NOL4: variants seen among roughly 807,000 people sequenced by gnomAD.
The protein encoded by NOL4 is nucleolar protein 4.
In NOL4, 17 loss-of-function variants were observed where a neutral mutation model predicts 75.9. The observed-to-expected ratio is 0.22, with a 90% CI of 0.15 to 0.34. NOL4 has a LOEUF of 0.34. Among genes scored for constraint, NOL4 ranks in the 10% least tolerant of loss-of-function variants. NOL4 has a pLI of 1.00. For synonymous variants in NOL4, 292 were observed against 289.9 expected (o/e 1.01, Z -0.07); for missense variants, 614 against 793.5 (o/e 0.77, Z 2.72).
intron 6 of NOL4, among the ~76,000 whole-genome samples, chr18:34,017,345 T>C (rs1432442171): frequency 6.6e-6 from 1 of 152,128 alleles, no homozygotes; most frequent in African/African-American, 2.4e-5. Context: ...GCTGCAAGTA[T>C]GCCAAGTATT....
chr18:33,940,898 G>C (rs1159620052), intron 9 of NOL4, among the ~76,000 whole-genome samples: 2 of 151,836 alleles, frequency 1.3e-5, no homozygotes, highest in Admixed American at 1.3e-4. Flanking sequence ...CCTGGTGCAG[G>C]AGTAAGAAGT....
chr18:34,171,200 T>C (rs1236017205), intron 1 of NOL4, among the ~76,000 whole-genome samples: 1 of 152,134 alleles, frequency 6.6e-6, no homozygotes, highest in African/African-American at 2.4e-5. Context: ...CAACACATTT[T>C]CTTGGTTTAT....
intron 6 of NOL4, among the ~76,000 whole-genome samples, chr18:34,013,539 T>A (rs1446111859): frequency 2.0e-5 from 3 of 151,970 alleles, no homozygotes; most frequent in Admixed American, 6.6e-5. Flanking sequence ...CACTCTAGTC[T>A]CCAGACTTAA....
chr18:34,191,849 G>T (rs1290274005), intron 1 of NOL4, among the ~76,000 whole-genome samples: 2 of 152,070 alleles, frequency 1.3e-5, no homozygotes, highest in Non-Finnish European at 2.9e-5. Context: ...GGTGATATTA[G>T]CTACAAGTCT....
intron 1 of NOL4, among the ~76,000 whole-genome samples, chr18:34,132,554 T>C (rs530663135): frequency 6.6e-6 from 1 of 152,192 alleles, no homozygotes; most frequent in South Asian, 2.1e-4. Flanking sequence ...TCAACTATGA[T>C]TTAAGCACAA....
At chr18:33,968,475 A>G (rs1005804146) in intron 6 of NOL4, among the ~76,000 whole-genome samples, 1 of 152,236 alleles carries the variant, frequency 6.6e-6, no homozygotes, top group Non-Finnish European at 1.5e-5. Context: ...TCATGCTGCA[A>G]CATGGATGCA....
intron 1 of NOL4, chr18:34,221,711 A>T (rs1458999520): frequency 4.0e-6 from 1 of 252,246 alleles, no homozygotes; most frequent in Non-Finnish European, 7.4e-6. Context: ...TACATCCTTC[A>T]AACAACTATT....
rs115131750 is a variant in NOL4 at position 34,167,254 on chromosome 18, C to T, written c.265-37234G>A. Among the ~76,000 whole-genome samples the T allele has an allele frequency of 3.1e-3, 476 of 152,022 alleles. 4 individuals carry two copies. The highest frequency in any genetic ancestry group is 0.011 in the African/African-American group (457 of 41,474). The stretch of plus-strand genomic sequence containing the variant: ...GAGCATCACAGGAAGTTCCTGGACC[C>T]AATCCCTAATGGATACCAAGGGAAT... On this transcript the variant is annotated intron_variant, in intron 1 of 10. Coordinates refer to ENST00000261592, the MANE Select transcript of NOL4 (RefSeq NM_003787.5).
chr18:34,187,284 A>G (rs1381989992), intron 1 of NOL4, among the ~76,000 whole-genome samples: 1 of 151,268 alleles, frequency 6.6e-6, no homozygotes. Flanking sequence ...ATCATACATC[A>G]TGTAACCTTT....
In NOL4 at chr18:33,871,077, A is replaced by G. The variant is rs146529698; in HGVS notation, c.1723+12167T>C. On this transcript the variant is annotated intron_variant, in intron 10 of 10. Coordinates refer to ENST00000261592, the MANE Select transcript of NOL4 (RefSeq NM_003787.5). ...GTTCTAGCAATTGTTCGTGGATGAA[A>G]AAAGGGTTTACAGAAAAAACATTTT... Among the ~76,000 whole-genome samples, 36 of 152,222 alleles carry G rather than the reference A, an allele frequency of 2.4e-4. 1 individual carries two copies. The highest frequency in any genetic ancestry group is 4.0e-4 in the Non-Finnish European group (27 of 67,984).
At chr18:34,147,540 C>T (rs1007987384) in intron 1 of NOL4, among the ~76,000 whole-genome samples, 1 of 152,048 alleles carries the variant, frequency 6.6e-6, no homozygotes, top group Non-Finnish European at 1.5e-5. Flanking sequence ...GTATGTTGAA[C>T]CAGCCTTGCA....
At chr18:34,193,172 A>G (rs563822338) in intron 1 of NOL4, among the ~76,000 whole-genome samples, 27 of 152,298 alleles carry the variant, frequency 1.8e-4, no homozygotes, top group African/African-American at 5.1e-4. Context: ...AGAAAAACAT[A>G]AGGAAAAAAT....
intron 1 of NOL4, among the ~76,000 whole-genome samples, chr18:34,133,589 A>C (rs2080759849): frequency 6.6e-6 from 1 of 152,210 alleles, no homozygotes; most frequent in African/African-American, 2.4e-5. Context: ...TATTGGAATA[A>C]TAACATAGAG....
At chr18:33,970,693 T>C (rs886117070) in intron 6 of NOL4, among the ~76,000 whole-genome samples, 11 of 152,048 alleles carry the variant, frequency 7.2e-5, no homozygotes, top group Non-Finnish European at 1.5e-4. Context: ...TATAGAACTT[T>C]CGTTACTGGA....
chr18:34,070,862 T>C (rs1317103755), intron 5 of NOL4, among the ~76,000 whole-genome samples: 2 of 152,084 alleles, frequency 1.3e-5, no homozygotes, highest in African/African-American at 2.4e-5. Context: ...AATAACAATA[T>C]AAACATGAAT....
At chr18:33,869,830 G>A (rs558136354) in intron 10 of NOL4, among the ~76,000 whole-genome samples, 11 of 152,052 alleles carry the variant, frequency 7.2e-5, no homozygotes, top group Non-Finnish European at 1.2e-4. Flanking sequence ...ACTTCTCTTA[G>A]TGATTTCTTA....
intron 2 of NOL4, among the ~76,000 whole-genome samples, chr18:34,117,654 G>A (rs912509642): frequency 6.6e-6 from 1 of 152,140 alleles, no homozygotes; most frequent in Non-Finnish European, 1.5e-5. Flanking sequence ...CAGCAAAACT[G>A]AGGACTAAAA....
intron 6 of NOL4, among the ~76,000 whole-genome samples, chr18:33,962,062 T>C (rs1038876318): frequency 2.0e-5 from 3 of 152,142 alleles, no homozygotes; most frequent in Non-Finnish European, 2.9e-5. Context: ...ATGCTAAGCA[T>C]GCATCTTTGC....
intron 1 of NOL4, among the ~76,000 whole-genome samples, chr18:34,163,197 C>A (rs1252988059): frequency 6.6e-6 from 1 of 152,160 alleles, no homozygotes; most frequent in South Asian, 2.1e-4. Flanking sequence ...GGGATGCCCT[C>A]TCTCACCACT....
Sources: allele counts gnomAD v4.1 joint callset (sites outside exome capture counted in the v4.1 genomes callset), GRCh38; gene constraint gnomAD v4.1.1; transcripts MANE v1.5; gene names NCBI Gene and HGNC (gene_info 2026-07-23, HGNC 2026-07-21).